Variants in ABCA7 observed in about 807,000 individuals in gnomAD.
ABCA7 encodes the protein ATP binding cassette subfamily A member 7.
In ABCA7, 261 loss-of-function variants were observed where a neutral mutation model predicts 227.6. The observed-to-expected ratio is 1.15, with a 90% confidence interval of 1.04 to 1.27. The LOEUF is 1.27. ABCA7 is among the 50% of genes most tolerant of loss of function. The probability of loss-of-function intolerance (pLI) is 0.00; values close to 1 mark genes in which losing one functional copy is unlikely to be tolerated. For synonymous variants in ABCA7, 1,488 were observed against 1,279.7 expected (o/e 1.16, Z -3.47); for missense variants, 3,331 against 2,924.5 (o/e 1.14, Z -3.21).
chr19:1,042,491 C>A lies in ABCA7; in HGVS notation c.498+94C>A, dbSNP rs973124893. 8.3e-6 allele frequency: 12 copies of A among 1,438,468 alleles called. No individual in the cohort carries two copies. In the African/African-American group the frequency reaches 1.4e-4, roughly 17 times the overall value. 89.1% of individuals were successfully genotyped at this position (1,438,468 alleles called of 1,614,324 possible). On this transcript the variant is annotated intron_variant, in intron 6 of 46. Transcript: ENST00000263094. ...CACCCCGGGCCAAGGACCTCCCGTTCCAGGCATCCAGGCTGTCCCTGGTCT... is the reference window on the plus strand; with the variant it reads ...CACCCCGGGCCAAGGACCTCCCGTTACAGGCATCCAGGCTGTCCCTGGTCT...
rs2040817939 is a variant in ABCA7, at chr19:1,047,447, C to T, written c.2068-6C>T. The T allele has an allele frequency of 1.3e-6, 2 of 1,541,762 alleles. No individual in the cohort carries two copies. Among genetic ancestry groups the T allele is most frequent in the Non-Finnish European group, 1.7e-6 (2 of 1,146,584 alleles). ...GGCCGCTCACTGACCGCCCGCTTTT[C>T]CGCAGAGCCTGCTGTCGCCCGTGGC... On this transcript the variant is annotated splice_polypyrimidine_tract_variant and splice_region_variant and intron_variant, in intron 15 of 46. Coordinates refer to ENST00000263094, the MANE Select transcript of ABCA7 (RefSeq NM_019112.4).
chr19:1,064,673 A>AGCTTCGAG lies in ABCA7; in HGVS notation c.6045-257_6045-250dup, dbSNP rs2042923574. On this transcript the variant is annotated intron_variant, in intron 45 of 46. Transcript: ENST00000263094. ...CGAAAAAGGAGTCAAGTGGGGTGATAGCTTCGAGAGCAACCTGGGCAACCT... is the reference window on the plus strand; with the variant it reads ...CGAAAAAGGAGTCAAGTGGGGTGATAGCTTCGAGGCTTCGAGAGCAACCTGGGCAACCT... The AGCTTCGAG allele has an allele frequency of 5.3e-6, 3 of 560,780 alleles. No individual in the cohort carries two copies. The South Asian group carries it at 7.9e-5, about 15-fold the overall frequency. 34.7% of individuals were successfully genotyped at this position (560,780 alleles called of 1,614,324 possible). A position where few individuals can be genotyped will look rare whatever the true frequency, so the allele number is the denominator to read the frequency against.
chr19:1,051,020 C>T lies in ABCA7; in HGVS notation c.2652C>T (p.Gly884=), dbSNP rs113478746. The T allele has an allele frequency of 3.1e-6, 5 of 1,612,060 alleles. No individual in the cohort carries two copies. The highest frequency in any genetic ancestry group is 2.2e-5 in the East Asian group (1 of 44,880). The change falls in exon 19 of 47, where the codon GGC becomes GGT. Residue 884 remains glycine, a synonymous_variant. Transcript: ENST00000263094. ...SSMAAIRPHL[G]VCPQYNVLFD... ...TGGCCGCCATCCGGCCCCACCTGGG[C>T]GTCTGTCCTCAGTACAACGTGCTGT...
At chr19:1,062,859 C>T (rs1456878918) in intron 42 of ABCA7, among the ~76,000 whole-genome samples, 6 of 151,142 alleles carry the variant, frequency 4.0e-5, no homozygotes, top group Non-Finnish European at 8.8e-5. Flanking sequence ...CCCAGCTCCA[C>T]CCATACCAAG....
Position 1,041,715 on chromosome 19 carries a change from CATG to C in ABCA7, c.160+113_161-113del, listed in dbSNP as rs2040054394. 10 of 1,576,640 alleles carry C rather than the reference CATG, an allele frequency of 6.3e-6. 1 individual carries two copies. The highest frequency in any genetic ancestry group is 3.5e-4 in the Middle Eastern group (2 of 5,668). Reference sequence around the variant, plus strand: ...GGGAGCCTTCACCAGGCCGCCAATACATGGCATGGGAGTGAGCTCTCCATCGCT... The same window carrying C: ...GGGAGCCTTCACCAGGCCGCCAATACGCATGGGAGTGAGCTCTCCATCGCT... On this transcript the variant is annotated intron_variant, in intron 3 of 46. Coordinates refer to ENST00000263094, the MANE Select transcript of ABCA7 (RefSeq NM_019112.4).
chr19:1,047,784 TTGG>T, intron 16 of ABCA7, 130 bp downstream of exon 16: 2 of 1,104,510 alleles, frequency 1.8e-6, no homozygotes, highest in Non-Finnish European at 1.2e-6. Flanking sequence ...GCGGGGCTTC[TTGG>T]CACACGCATG....
chr19:1,051,002 C>A lies in ABCA7; in HGVS notation c.2634C>A (p.Ala878=). The A allele has an allele frequency of 6.2e-7, 1 of 1,612,318 alleles. No individual in the cohort carries two copies. Among genetic ancestry groups the A allele is most frequent in the Non-Finnish European group, 8.5e-7 (1 of 1,179,754 alleles). ...ACGACGTCCGCTCCAGCATGGCCGC[C>A]ATCCGGCCCCACCTGGGCGTCTGTC... ...LGHDVRSSMA[A]IRPHLGVCPQ... is the part of the protein sequence containing the mutation. Residue 878 remains alanine (A), a synonymous_variant, in exon 19 of 47, where the codon GCC becomes GCA. Transcript: ENST00000263094.
At chr19:1,062,634 CTAGGGCTTCGCG>C (rs1456958534) in intron 42 of ABCA7, among the ~76,000 whole-genome samples, 5 of 152,096 alleles carry the variant, frequency 3.3e-5, no homozygotes, top group African/African-American at 1.2e-4. Flanking sequence ...TGCCTACCCC[CTAGGGCTTCGCG>C]CCTTTCTCGC....
At position 1,042,327 on chromosome 19, in the gene ABCA7, C is replaced by G. The variant is rs1431421353; in HGVS notation, c.428C>G (p.Pro143Arg). 6.3e-7 allele frequency: 1 copy of G among 1,580,508 alleles called. No homozygotes were observed. The highest frequency in any genetic ancestry group is 8.6e-7 in the Non-Finnish European group (1 of 1,157,614). ...RAARSTAQPQ[P>R]TKQSPLEPPM... ...GCTCCTCCCCCAGCCCAGCCTCAACCAACCAAGCAGTCTCCACTGGAACCA... is the reference window on the plus strand; with the variant it reads ...GCTCCTCCCCCAGCCCAGCCTCAACGAACCAAGCAGTCTCCACTGGAACCA... The change falls in exon 6 of 47, where the codon CCA becomes CGA. Residue 143 changes from proline (P) to arginine (R), a missense_variant. Transcript: ENST00000263094.
chr19:1,065,049 C>T lies in ABCA7; in HGVS notation c.6163C>T (p.Leu2055=). 1.3e-6 allele frequency: 2 copies of T among 1,559,032 alleles called. No homozygotes were observed. The highest frequency in any genetic ancestry group is 1.7e-6 in the Non-Finnish European group (2 of 1,153,468). Residue 2055 remains leucine, a synonymous_variant, in exon 46 of 47, where the codon CTG becomes TTG. Coordinates refer to ENST00000263094, the MANE Select transcript of ABCA7 (RefSeq NM_019112.4). ...AELREAHGGR[L]RFQLPPGGRC... is the part of the protein sequence containing the mutation. ...GCTGCGCGAGGCACATGGAGGCCGC[C>T]TGCGCTTCCAGCTGCCGCCGGGAGG... is the stretch of plus-strand genomic sequence containing the variant.
At chr19:1,053,723 G>A (rs1215768003) in intron 24 of ABCA7, 65 bp from the exon 25 acceptor site, 1 of 1,568,800 alleles carries the variant, frequency 6.4e-7, no homozygotes, top group East Asian at 2.3e-5. Flanking sequence ...GAGGGGTGGG[G>A]GGCTCACAAG....
rs767140671 is a variant in ABCA7, at chr19:1,058,826, G to T, written c.5286G>T (p.Arg1762Ser). ...ACAGATATTCTGTCCCCAGGCCCAG[G>T]GTGAGGTCTCTGCCACTCCTGGGAG... is the stretch of plus-strand genomic sequence containing the variant. Reference protein sequence around the residue: ...QHRSQLLPQPRVRSLPLLGEE... With the variant: ...QHRSQLLPQPSVRSLPLLGEE... The change falls in exon 39 of 47, where the codon AGG becomes AGT. Residue 1762 changes from arginine to serine, a missense_variant. Transcript: ENST00000263094. The T allele has an allele frequency of 6.3e-7, 1 of 1,580,030 alleles. No homozygotes were observed. Among genetic ancestry groups the T allele is most frequent in the South Asian group, 1.1e-5 (1 of 87,300 alleles).
At chr19:1,048,423 G>T (rs1214925449) in intron 16 of ABCA7, among the ~76,000 whole-genome samples, 1 of 148,940 alleles carries the variant, frequency 6.7e-6, no homozygotes, top group Admixed American at 6.7e-5. Context: ...TTGAATCCCG[G>T]AGGCGGAGGT....
intron 16 of ABCA7, among the ~76,000 whole-genome samples, chr19:1,048,009 T>C (rs1019835975): frequency 6.6e-6 from 1 of 150,832 alleles, no homozygotes; most frequent in African/African-American, 2.4e-5. Context: ...GGCAATATAG[T>C]GAGACCTCAT....
rs1010625344 is a variant in ABCA7 at position 1,063,596 on chromosome 19, C to T, written c.5765C>T (p.Pro1922Leu). The T allele has an allele frequency of 2.5e-6, 4 of 1,611,290 alleles. No individual in the cohort carries two copies. The highest frequency in any genetic ancestry group is 3.4e-6 in the Non-Finnish European group (4 of 1,179,916). The change falls in exon 43 of 47, where the codon CCT (proline) becomes CTT (leucine). Residue 1922 changes from proline to leucine, a missense_variant. Physicochemically the swap from Pro to Leu is moderately conservative, Grantham distance 98 (BLOSUM62 -3). Transcript: ENST00000263094. Reference protein sequence around the residue: ...RLGLSWYADRPAGTYSGGNKR... With the variant: ...RLGLSWYADRLAGTYSGGNKR... ...GGACTCTCATGGTACGCAGACCGGC[C>T]TGCAGGCACCTACAGCGGAGGGAAC...
chr19:1,041,281 G>T lies in ABCA7; in HGVS notation c.-81G>T. The T allele has an allele frequency of 1.5e-6, 2 of 1,374,734 alleles. No individual in the cohort carries two copies. Among genetic ancestry groups the T allele is most frequent in the Non-Finnish European group, 2.1e-6 (2 of 965,666 alleles). The allele number at this position is 1,374,734 out of a possible 1,614,324, so 85.2% of individuals were successfully genotyped here. A position where few individuals can be genotyped will look rare whatever the true frequency, so the allele number is the denominator to read the frequency against. On this transcript the variant is annotated 5_prime_UTR_variant, in exon 2 of 47. Transcript: ENST00000263094. ...GGAATGAGGTTCAGAAAGGGGCAGG[G>T]AGTTGCCCGCAGCCGCACCGCACGT...
At chr19:1,042,486 C>A in intron 6 of ABCA7, 89 bp downstream of exon 6, 1 of 1,490,064 alleles carries the variant, frequency 6.7e-7, no homozygotes, top group Non-Finnish European at 9.2e-7. Flanking sequence ...CAAGGACCTC[C>A]CGTTCCAGGC....
Position 1,051,221 on chromosome 19 carries a change from C to T in ABCA7, c.2751C>T (p.Gly917=), listed in dbSNP as rs1165837074. The T allele has an allele frequency of 1.2e-6, 2 of 1,610,678 alleles. No homozygotes were observed. The highest frequency in any genetic ancestry group is 1.3e-5 in the African/African-American group (1 of 74,914). ...AGGGTCTGAGTGCCGCTGTAGTGGG[C>T]CCCGAGCAGGACCGTCTGCTGCAGG... The part of the protein sequence containing the change: ...RLKGLSAAVV[G]PEQDRLLQDV... Residue 917 remains glycine, a synonymous_variant, in exon 20 of 47, where the codon GGC becomes GGT. Transcript: ENST00000263094.
Position 1,053,813 on chromosome 19 carries a change from G to A in ABCA7, c.3449G>A (p.Cys1150Tyr). 6.2e-7 allele frequency: 1 copy of A among 1,612,246 alleles called. No homozygotes were observed. The highest frequency in any genetic ancestry group is 8.5e-7 in the Non-Finnish European group (1 of 1,178,854). The change falls in exon 25 of 47, where the codon TGT becomes TAT. Residue 1150 changes from cysteine (C) to tyrosine (Y), a missense_variant. Physicochemically the swap from Cys to Tyr is radical, Grantham distance 194 (BLOSUM62 -2). Transcript: ENST00000263094. The stretch of plus-strand genomic sequence containing the variant: ...ATCTTCCTGAAGGTGGTGGAGGAGT[G>A]TGCTGCGGACACAGATATGGAGGGT... ...EEIFLKVVEE[C>Y]AADTDMEDGS...
Sources: gnomAD v4.1 joint callset for allele counts (sites outside exome capture counted in the v4.1 genomes callset) on GRCh38, gnomAD v4.1.1 for gene constraint, MANE v1.5 for transcripts, NCBI Gene and HGNC (gene_info 2026-07-23, HGNC 2026-07-21) for gene names.